The following KIF20B variants were observed in gnomAD, a reference collection of about 807,000 sequenced individuals.
KIF20B encodes the protein kinesin family member 20B.
KIF20B carries 188 observed loss-of-function variants against 232.5 expected under a neutral mutation model. The ratio of observed to expected loss-of-function variants is 0.81; its 90% confidence interval spans 0.72 to 0.91. KIF20B has a LOEUF of 0.91. Among genes scored for constraint, KIF20B ranks in the 40% least tolerant of loss-of-function variants. The probability of loss-of-function intolerance (pLI) is 0.00; values close to 1 mark genes in which losing one functional copy is unlikely to be tolerated. For synonymous variants in KIF20B, 712 were observed against 683.0 expected, an observed-to-expected ratio of 1.04 and a Z score of -0.66; for missense variants, 2,154 against 2,055.9, an observed-to-expected ratio of 1.05 and a Z score of -0.92.
rs892767334 is a variant in KIF20B, at chr10:89,774,203, T to G, written c.*155T>G. 2 of 403,834 alleles carry G rather than the reference T, an allele frequency of 5.0e-6. No individual in the cohort carries two copies. Among genetic ancestry groups the G allele is most frequent in the African/African-American group, 2.1e-5 (1 of 48,054 alleles). 25.0% of individuals were successfully genotyped at this position (403,834 alleles called of 1,614,324 possible). A position where few individuals can be genotyped will look rare whatever the true frequency, so the allele number is the denominator to read the frequency against. ...GTATAATTTTAATTCAATAAATGAG[T>G]CAAAATTTGTATATTTTTATAAGGC... On this transcript the variant is annotated 3_prime_UTR_variant, in exon 33 of 33. Transcript: ENST00000371728.
chr10:89,757,042 A>ATG (rs1235463529), intron 26 of KIF20B, among the ~76,000 whole-genome samples: 2 of 78,026 alleles, frequency 2.6e-5, no homozygotes, highest in Admixed American at 1.3e-4. Flanking sequence ...GTGTGTGTGT[A>ATG]TATATATATA....
chr10:89,754,929 C>G (rs923659679), intron 26 of KIF20B, among the ~76,000 whole-genome samples: 1 of 152,192 alleles, frequency 6.6e-6, no homozygotes, highest in Non-Finnish European at 1.5e-5. Flanking sequence ...AGTAAAAAAT[C>G]TCTTCCTTTT....
intron 13 of KIF20B, 74 bp downstream of exon 13, chr10:89,719,780 CTCTT>C: frequency 7.9e-7 from 1 of 1,262,920 alleles, no homozygotes; most frequent in Admixed American, 2.4e-5. Context: ...AAGGCTCTCT[CTCTT>C]CAGTTTTTTT....
chr10:89,742,274 G>A (rs1308563533), intron 21 of KIF20B, among the ~76,000 whole-genome samples: 3 of 152,152 alleles, frequency 2.0e-5, no homozygotes, highest in African/African-American at 7.2e-5. Context: ...TCGATTGATG[G>A]TGTCTGGGTT....
intron 24 of KIF20B, 104 bp from the exon 25 acceptor site, chr10:89,752,463 A>G (rs1016047842): frequency 2.6e-6 from 2 of 774,548 alleles, no homozygotes; most frequent in Non-Finnish European, 3.8e-6. Flanking sequence ...TGTGTTCTTT[A>G]TCTGGGCTCT....
chr10:89,731,966 A>G (rs558899493), intron 18 of KIF20B, among the ~76,000 whole-genome samples: 75 of 152,270 alleles, frequency 4.9e-4, no homozygotes, highest in Admixed American at 1.5e-3. Context: ...GCGGCACTCT[A>G]TCATACACTT....
rs773260831 is a variant in KIF20B, at chr10:89,716,491, A to C, written c.996A>C (p.Leu332=). The change falls in exon 9 of 33, where the codon CTA becomes CTC. Residue 332 remains leucine, a synonymous_variant. Transcript: ENST00000371728. ...AAGAAGCCTATAGACTTTTAAAACT[A>C]GGAATAAAGCACCAGAGTGTTGCCT... ...DSKEAYRLLK[L]GIKHQSVAFT... is the part of the protein sequence containing the mutation. 6.3e-7 allele frequency: 1 copy of C among 1,594,168 alleles called. No homozygotes were observed. The highest frequency in any genetic ancestry group is 1.8e-5 in the Admixed American group (1 of 57,028).
chr10:89,701,912 TTAGC>T (rs959728238), intron 1 of KIF20B, among the ~76,000 whole-genome samples: 40 of 152,336 alleles, frequency 2.6e-4, no homozygotes, highest in African/African-American at 8.9e-4. Context: ...CCACTGCTAA[TTAGC>T]TGAGTGACGC....
At chr10:89,715,630 A>G (rs1842920418) in intron 8 of KIF20B, among the ~76,000 whole-genome samples, 1 of 152,308 alleles carries the variant, frequency 6.6e-6, no homozygotes, top group Non-Finnish European at 1.5e-5. Flanking sequence ...TACAACTCAA[A>G]AGTTTCGTTA....
chr10:89,752,784 C>A (rs2133152914), intron 25 of KIF20B, 93 bp downstream of exon 25: 1 of 899,244 alleles, frequency 1.1e-6, no homozygotes, highest in Admixed American at 3.5e-5. Flanking sequence ...TTTAGTAATT[C>A]ACTTAGATAT....
chr10:89,758,253 G>A (rs1589880397), intron 26 of KIF20B, among the ~76,000 whole-genome samples: 2 of 151,936 alleles, frequency 1.3e-5, no homozygotes, highest in South Asian at 4.2e-4. Flanking sequence ...TTATTTAGGT[G>A]TTCTTTAATC....
Position 89,738,264 on chromosome 10 carries a change from TGTA to T in KIF20B, c.3426_3428del (p.Val1143del), listed in dbSNP as rs1564667167. 1 of 1,610,718 alleles carries T rather than the reference TGTA, an allele frequency of 6.2e-7. No individual in the cohort carries two copies. The highest frequency in any genetic ancestry group is 1.7e-5 in the Admixed American group (1 of 59,540). ...TTACTCTTGATGTTCAAATACAGCA[TGTA>T]GTTGAAGGAAAGAGAGCGCTTTCAG... is the stretch of plus-strand genomic sequence containing the variant. On this transcript the variant is annotated inframe_deletion, in exon 20 of 33. Coordinates refer to ENST00000371728, the MANE Select transcript of KIF20B (RefSeq NM_001284259.2).
In KIF20B at chr10:89,760,581, A is replaced by G; in HGVS notation, c.4736A>G (p.Lys1579Arg). The G allele has an allele frequency of 6.2e-7, 1 of 1,613,282 alleles. No individual in the cohort carries two copies. The highest frequency in any genetic ancestry group is 2.2e-5 in the East Asian group (1 of 44,824). ...CGTATTAGTTCAGCAGATCCTGACA[A>G]ACTTCAAACTGAACCTCTATCGACA... ...PKRISSADPDKLQTEPLSTSF... is the reference protein window; with the variant it reads ...PKRISSADPDRLQTEPLSTSF... The change falls in exon 28 of 33, where the codon AAA (lysine) becomes AGA (arginine). Residue 1579 changes from lysine (K) to arginine (R), a missense_variant. Coordinates refer to ENST00000371728, the MANE Select transcript of KIF20B (RefSeq NM_001284259.2).
intron 13 of KIF20B, among the ~76,000 whole-genome samples, chr10:89,721,529 G>A (rs1402190705): frequency 1.3e-5 from 2 of 152,062 alleles, no homozygotes; most frequent in Non-Finnish European, 2.9e-5. Context: ...AATTAGTTAG[G>A]CATGATGATG....
Position 89,754,586 on chromosome 10 carries a change from A to G in KIF20B, c.4416A>G (p.Gln1472=), listed in dbSNP as rs372720193. 3.1e-6 allele frequency: 5 copies of G among 1,607,176 alleles called. No homozygotes were observed. Among genetic ancestry groups the G allele is most frequent in the Non-Finnish European group, 3.4e-6 (4 of 1,176,414 alleles). ...WLEEKMMLIT[Q]AKEAENIRNK... is the part of the protein sequence containing the mutation. ...AAGAAAAAATGATGCTTATCACTCAAGCGAAAGAAGCAGAGAATATACGAA... is the reference window on the plus strand; with the variant it reads ...AAGAAAAAATGATGCTTATCACTCAGGCGAAAGAAGCAGAGAATATACGAA... The change falls in exon 26 of 33, where the codon CAA becomes CAG. Residue 1472 remains glutamine, a synonymous_variant. Coordinates refer to ENST00000371728, the MANE Select transcript of KIF20B (RefSeq NM_001284259.2).
At chr10:89,728,905 T>TTGTGTGTGTGTGTGTG (rs71022581) in intron 17 of KIF20B, among the ~76,000 whole-genome samples, 53 of 138,110 alleles carry the variant, frequency 3.8e-4, no homozygotes, top group South Asian at 7.2e-4. Flanking sequence ...TCTTTTTTCT[T>TTGTGTGTGTGTGTGTG]TGTGTGTGTG....
chr10:89,750,127 C>T (rs1044517723), intron 23 of KIF20B, among the ~76,000 whole-genome samples: 4 of 151,996 alleles, frequency 2.6e-5, no homozygotes, highest in African/African-American at 9.6e-5. Flanking sequence ...ATCTTTTTGC[C>T]TTTACTGCTC....
At chr10:89,734,064 C>A (rs1841588017) in intron 19 of KIF20B, among the ~76,000 whole-genome samples, 1 of 151,648 alleles carries the variant, frequency 6.6e-6, no homozygotes, top group Non-Finnish European at 1.5e-5. Context: ...GGGGCATATT[C>A]TCACTGGGGG....
In KIF20B at chr10:89,719,571, G is replaced by C; in HGVS notation, c.1587G>C (p.Leu529Phe). The change falls in exon 13 of 33, where the codon TTG becomes TTC. Residue 529 changes from leucine to phenylalanine, a missense_variant. Physicochemically the swap from Leu to Phe is conservative, Grantham distance 22. Transcript: ENST00000371728. ...TISWENSLED[L>F]MEDEDLVEEL... Reference sequence around the variant, plus strand: ...CATGGGAAAATAGTCTAGAAGATTTGATGGAAGACGAGGATTTGGTTGAGG... The same window carrying C: ...CATGGGAAAATAGTCTAGAAGATTTCATGGAAGACGAGGATTTGGTTGAGG... 1 of 1,613,580 alleles carries C rather than the reference G, an allele frequency of 6.2e-7. No individual in the cohort carries two copies. The highest frequency in any genetic ancestry group is 8.5e-7 in the Non-Finnish European group (1 of 1,179,724).
Sources: allele counts gnomAD v4.1 joint callset (sites outside exome capture counted in the v4.1 genomes callset), GRCh38; gene constraint gnomAD v4.1.1; transcripts MANE v1.5; gene names NCBI Gene and HGNC (gene_info 2026-07-23, HGNC 2026-07-21).